Variants in TMEM255A observed in about 807,000 individuals in gnomAD.
TMEM255A encodes family with sequence similarity 70, member A.
A neutral mutation model predicts 23.5 loss-of-function variants in TMEM255A; 14 were observed. The observed-to-expected ratio is 0.60, with a 90% confidence interval of 0.39 to 0.93. The LOEUF is 0.93. Ranked by LOEUF, TMEM255A falls within the 40% of genes least tolerant of loss-of-function variation. The pLI is 0.00. For synonymous variants in TMEM255A, 104 were observed against 100.3 expected (o/e 1.04, Z -0.22); for missense variants, 233 against 261.7 (o/e 0.89, Z 0.76).
rs781803176 is a variant in TMEM255A, at chrX:120,291,640, G to A, written c.265-300C>T. 9.6e-5 allele frequency among the ~76,000 whole-genome samples: 10 copies of A among 104,060 alleles called. No homozygotes were observed. In the East Asian group the frequency reaches 1.8e-3, roughly 18 times the overall value. 90.4% of individuals were successfully genotyped at this position (104,060 alleles called of 115,157 possible). ...TGTCCATGAAGGAATTTGACTGCAC[G>A]GCCCTTCCATCCTTGGACTCAGAAA... On this transcript the variant is annotated intron_variant, in intron 3 of 8. Coordinates refer to ENST00000371369, the MANE Select transcript of TMEM255A (RefSeq NM_001104544.3).
intron 1 of TMEM255A, 51 bp from the exon 2 acceptor site, chrX:120,304,542 T>C (rs2058052235): frequency 8.5e-7 from 1 of 1,170,038 alleles, no homozygotes; most frequent in African/African-American, 1.8e-5. Context: ...GGGGAAAGGA[T>C]TGACTTAAAG....
chrX:120,299,858 C>A (rs1037444082), intron 2 of TMEM255A, among the ~76,000 whole-genome samples: 1 of 111,664 alleles, frequency 9.0e-6, no homozygotes, highest in Non-Finnish European at 1.9e-5. Context: ...GAATCTGAGG[C>A]CACACTGACC....
intron 6 of TMEM255A, among the ~76,000 whole-genome samples, chrX:120,280,184 C>T (rs1364148220): frequency 9.4e-6 from 1 of 106,625 alleles, no homozygotes; most frequent in African/African-American, 3.4e-5. Context: ...TGTAGAGATG[C>T]GGTTCTGACA....
Position 120,271,339 on chromosome X carries a change from C to T in TMEM255A, c.676-2952G>A, listed in dbSNP as rs140643001. Among the ~76,000 whole-genome samples the T allele has an allele frequency of 7.8e-4, 87 of 111,978 alleles. 2 individuals carry two copies. The East Asian group carries it at 0.023, about 29-fold the overall frequency. On this transcript the variant is annotated intron_variant, in intron 7 of 8. Transcript: ENST00000371369. ...GGGCTCCAGTCCCAGTTCTGCTACT[C>T]AGCTCTGGGCAAGTCACTTGACCCC...
intron 3 of TMEM255A, among the ~76,000 whole-genome samples, chrX:120,293,021 G>A (rs1022787947): frequency 8.0e-5 from 9 of 112,451 alleles, no homozygotes; most frequent in African/African-American, 2.6e-4. Flanking sequence ...CAAGGAGGCA[G>A]CCCAGGTGAA....
intron 6 of TMEM255A, among the ~76,000 whole-genome samples, chrX:120,280,946 C>G (rs1411925192): frequency 2.7e-5 from 3 of 112,509 alleles, no homozygotes; most frequent in Non-Finnish European, 5.6e-5. Context: ...AAAGACGCCA[C>G]TACCCATTCA....
Position 120,260,752 on chromosome X carries a change from A to C in TMEM255A, c.*118T>G. 28 of 910,554 alleles carry C rather than the reference A, an allele frequency of 3.1e-5. No individual in the cohort carries two copies. The highest frequency in any genetic ancestry group is 4.1e-5 in the Non-Finnish European group (27 of 663,862). The allele number at this position is 910,554 out of a possible 1,213,427, so 75.0% of individuals were successfully genotyped here. On this transcript the variant is annotated 3_prime_UTR_variant, in exon 9 of 9. Coordinates refer to ENST00000371369, the MANE Select transcript of TMEM255A (RefSeq NM_001104544.3). ...CGTCCCTATCTTTCCCTAGCCTGGC[A>C]GGCCATTGTAAAACTTTATGCATAA...
downstream of TMEM255A, chrX:120,253,875 G>A (rs2057616506): frequency 8.3e-7 from 1 of 1,211,296 alleles, no homozygotes; most frequent in Non-Finnish European, 1.1e-6. Context: ...GAAATCAAAA[G>A]ATGAAGCCCA....
At chrX:120,309,362 G>A (rs1272641335) in intron 1 of TMEM255A, among the ~76,000 whole-genome samples, 3 of 113,112 alleles carry the variant, frequency 2.7e-5, no homozygotes, top group African/African-American at 9.6e-5. Context: ...GATCGCTGAG[G>A]GCCCCTGGGA....
chrX:120,300,670 C>A (rs1172842096), intron 2 of TMEM255A, among the ~76,000 whole-genome samples: 1 of 103,310 alleles, frequency 9.7e-6, no homozygotes, highest in Non-Finnish European at 1.9e-5. Context: ...GCTGGGATTA[C>A]AAGTGTGAGC....
chrX:120,304,499 C>T lies in TMEM255A; in HGVS notation c.59-8G>A. ...TCCTCCGATTGAATGCTCCTGAAAG[C>T]ACAGAGAGAAATTAAAATTGCTCAT... On this transcript the variant is annotated splice_region_variant and splice_polypyrimidine_tract_variant and intron_variant, in intron 1 of 8. Coordinates refer to ENST00000371369, the MANE Select transcript of TMEM255A (RefSeq NM_001104544.3). The T allele has an allele frequency of 1.7e-6, 2 of 1,204,142 alleles. No individual in the cohort carries two copies. The highest frequency in any genetic ancestry group is 2.2e-6 in the Non-Finnish European group (2 of 892,128).
At chrX:120,280,127 CAAGT>C (rs1486385211) in intron 6 of TMEM255A, among the ~76,000 whole-genome samples, 1 of 105,124 alleles carries the variant, frequency 9.5e-6, no homozygotes, top group African/African-American at 3.5e-5. Context: ...CTCAGCCTCC[CAAGT>C]AACTGGGACT....
intron 6 of TMEM255A, among the ~76,000 whole-genome samples, chrX:120,282,841 A>G (rs1556021128): frequency 1.8e-5 from 2 of 111,474 alleles, no homozygotes; most frequent in Non-Finnish European, 3.8e-5. Context: ...TTTTTCAGAA[A>G]CACACTGTCA....
chrX:120,287,748 G>C (rs928974220), intron 4 of TMEM255A, among the ~76,000 whole-genome samples: 2 of 111,770 alleles, frequency 1.8e-5, no homozygotes, highest in South Asian at 7.6e-4. Flanking sequence ...CAGCTCCTGA[G>C]GCTGCTGTAG....
At chrX:120,278,650 C>G (rs1259231879) in intron 6 of TMEM255A, among the ~76,000 whole-genome samples, 8 of 112,051 alleles carry the variant, frequency 7.1e-5, no homozygotes, top group Non-Finnish European at 1.3e-4. Context: ...AAAGTCACAA[C>G]GAAACGCCCT....
chrX:120,279,720 T>TCTTACTCTTAGGTTA (rs1556020437), intron 6 of TMEM255A, among the ~76,000 whole-genome samples: 1 of 112,193 alleles, frequency 8.9e-6, no homozygotes, highest in East Asian at 2.8e-4. Flanking sequence ...CAACTTACTT[T>TCTTACTCTTAGGTTA]CTTACTCTTA....
At chrX:120,253,919 A>T (rs1391551319), downstream of TMEM255A, 2 of 1,211,463 alleles carry the variant, frequency 1.7e-6, no homozygotes, top group Non-Finnish European at 2.2e-6. Context: ...CTATTATAAC[A>T]GAGTCTTTTT....
downstream of TMEM255A, chrX:120,255,231 A>G (rs782602137): frequency 1.1e-4 from 130 of 1,210,336 alleles, no homozygotes; most frequent in Non-Finnish European, 1.4e-4. Flanking sequence ...TAGATCAAGC[A>G]CTATTCCTGC....
chrX:120,302,456 C>T (rs1252071169), intron 2 of TMEM255A, among the ~76,000 whole-genome samples: 2 of 110,651 alleles, frequency 1.8e-5, no homozygotes, highest in African/African-American at 6.6e-5. Context: ...TCCAAGCCAC[C>T]GAAATGCTAT....
Sources: gnomAD v4.1 joint callset for allele counts (sites outside exome capture counted in the v4.1 genomes callset) on GRCh38, gnomAD v4.1.1 for gene constraint, MANE v1.5 for transcripts, NCBI Gene and HGNC (gene_info 2026-07-23, HGNC 2026-07-21) for gene names.